NAA20: variants seen among roughly 807,000 people sequenced by gnomAD.
The protein encoded by NAA20 is N-alpha-acetyltransferase 20, NatB catalytic subunit, also known as N-alpha-acetyltransferase 20.
In NAA20, 24 loss-of-function variants were observed where a neutral mutation model predicts 23.8. The ratio of observed to expected loss-of-function variants is 1.01; its 90% CI spans 0.73 to 1.42. The LOEUF is 1.42. Ranked by LOEUF, NAA20 falls within the 40% of genes most tolerant of loss-of-function variation. The pLI is 0.00. For synonymous variants in NAA20, 83 were observed against 77.7 expected (o/e 1.07, Z -0.36); for missense variants, 166 against 223.1 (o/e 0.74, Z 1.63).
chr20:20,025,911 C>G (rs2043303361), intron 3 of NAA20, 144 bp downstream of exon 3: 4 of 673,864 alleles, frequency 5.9e-6, no homozygotes, highest in Middle Eastern at 3.9e-4. Context: ...TTACTGATCT[C>G]TGTTTTGGGC....
chr20:20,024,136 A>G (rs1212956197), intron 2 of NAA20, among the ~76,000 whole-genome samples: 1 of 152,230 alleles, frequency 6.6e-6, no homozygotes, highest in Non-Finnish European at 1.5e-5. Context: ...TTGGCCTTTT[A>G]CAGAAAAAGT....
chr20:20,025,629 G>T, intron 2 of NAA20, 48 bp from the exon 3 acceptor site: 2 of 1,397,260 alleles, frequency 1.4e-6, no homozygotes, highest in Non-Finnish European at 2.0e-6. Flanking sequence ...CCTTAATGAA[G>T]AACTTTTTAC....
intron 3 of NAA20, 58 bp downstream of exon 3, chr20:20,025,825 A>T: frequency 8.9e-7 from 1 of 1,120,100 alleles, no homozygotes; most frequent in Non-Finnish European, 1.4e-6. Flanking sequence ...TATAGATTTC[A>T]ACTGATTGCT....
Position 20,017,436 on chromosome 20 carries a change from C to T in NAA20, c.40C>T (p.Arg14Cys). 1 of 1,611,660 alleles carries T rather than the reference C, an allele frequency of 6.2e-7. No homozygotes were observed. The highest frequency in any genetic ancestry group is 8.5e-7 in the Non-Finnish European group (1 of 1,179,296). Residue 14 changes from arginine to cysteine, a missense_variant, in exon 1 of 6, where the codon CGC becomes TGC. Arg to Cys is a radical substitution (Grantham distance 180). Coordinates refer to ENST00000334982, the MANE Select transcript of NAA20 (RefSeq NM_016100.5). The part of the protein sequence containing the change: ...LRAFTCDDLF[R>C]FNNINLDPLT... ...GGCCTTTACCTGCGACGACCTGTTC[C>T]GCTTCAACAACATGTGAGTGACACG...
At chr20:20,019,658 C>G (rs773126092) in intron 1 of NAA20, among the ~76,000 whole-genome samples, 1 of 152,208 alleles carries the variant, frequency 6.6e-6, no homozygotes, top group Non-Finnish European at 1.5e-5. Context: ...AATCCTAGGT[C>G]GCTTTAGTCT....
At chr20:20,025,230 T>C (rs1247395548) in intron 2 of NAA20, among the ~76,000 whole-genome samples, 1 of 152,246 alleles carries the variant, frequency 6.6e-6, no homozygotes, top group Non-Finnish European at 1.5e-5. Context: ...AAGTAGGAAC[T>C]ACCCATTAAT....
At position 20,026,734 on chromosome 20, in the gene NAA20, G is replaced by A. The variant is rs755753786; in HGVS notation, c.170-50G>A. 1.9e-6 allele frequency: 3 copies of A among 1,603,814 alleles called. No individual in the cohort carries two copies. The African/African-American group carries it at 4.0e-5, about 22-fold the overall frequency. The stretch of plus-strand genomic sequence containing the variant: ...TACTGAACAGTAATTCTATATTTAT[G>A]TGTAAATCAATGTCTAGTTACTGAA... On this transcript the variant is annotated intron_variant, in intron 3 of 5. Coordinates refer to ENST00000334982, the MANE Select transcript of NAA20 (RefSeq NM_016100.5).
In NAA20 at chr20:20,029,603, C is replaced by T. The variant is rs1056764732; in HGVS notation, c.305+2684C>T. ...TTGCACTCCAGCCTGTGCAACAGAG[C>T]GAGACTCCATCTCAAAAAAAAAAAA... On this transcript the variant is annotated intron_variant, in intron 4 of 5. Transcript: ENST00000334982. Among the ~76,000 whole-genome samples the T allele has an allele frequency of 1.0e-4, 13 of 130,622 alleles. No individual in the cohort carries two copies. The South Asian group carries it at 1.1e-3, about 11-fold the overall frequency. 85.7% of individuals were successfully genotyped at this position (130,622 alleles called of 152,430 possible).
In NAA20 at chr20:20,026,446, C is replaced by T. The variant is rs77452201; in HGVS notation, c.170-338C>T. Among the ~76,000 whole-genome samples, 684 of 152,120 alleles carry T rather than the reference C, an allele frequency of 4.5e-3. 7 individuals carry two copies. Among genetic ancestry groups the T allele is most frequent in the African/African-American group, 0.016 (656 of 41,492 alleles). On this transcript the variant is annotated intron_variant, in intron 3 of 5. Coordinates refer to ENST00000334982, the MANE Select transcript of NAA20 (RefSeq NM_016100.5). Reference sequence around the variant, plus strand: ...TTAGCTCTGAACTATATGTGTACATCCACATGTACCCACATATACCCACAC... The same window carrying T: ...TTAGCTCTGAACTATATGTGTACATTCACATGTACCCACATATACCCACAC...
chr20:20,023,117 G>A (rs1179348710), intron 2 of NAA20, among the ~76,000 whole-genome samples: 1 of 152,058 alleles, frequency 6.6e-6, no homozygotes, highest in Admixed American at 6.5e-5. Context: ...AACCCCGTCC[G>A]TCTCTAGTAA....
intron 4 of NAA20, among the ~76,000 whole-genome samples, chr20:20,029,488 G>A (rs573203807): frequency 9.9e-5 from 15 of 151,960 alleles, no homozygotes; most frequent in Middle Eastern, 3.4e-3. Context: ...GTGGTAGCAC[G>A]TGACTGTAAT....
At chr20:20,025,868 G>T in intron 3 of NAA20, 101 bp downstream of exon 3, 1 of 842,202 alleles carries the variant, frequency 1.2e-6, no homozygotes. Context: ...AATGATGCTT[G>T]TAATTTTATT....
intron 4 of NAA20, 135 bp downstream of exon 4, chr20:20,027,054 A>G: frequency 1.6e-6 from 2 of 1,212,172 alleles, no homozygotes; most frequent in Non-Finnish European, 2.3e-6. Context: ...CCTTAGAACA[A>G]TTCTATCACA....
intron 1 of NAA20, among the ~76,000 whole-genome samples, chr20:20,019,864 G>A (rs1045719475): frequency 2.0e-5 from 3 of 152,214 alleles, no homozygotes; most frequent in Non-Finnish European, 4.4e-5. Context: ...GGAATTACAA[G>A]TGTGAGCCAC....
At chr20:20,023,564 G>C (rs1339230892) in intron 2 of NAA20, among the ~76,000 whole-genome samples, 3 of 152,226 alleles carry the variant, frequency 2.0e-5, no homozygotes, top group African/African-American at 7.2e-5. Context: ...TTATGCTGCT[G>C]TAACAGATAA....
intron 1 of NAA20, chr20:20,018,348 T>G (rs1254066793): frequency 2.2e-6 from 1 of 453,378 alleles, no homozygotes; most frequent in Non-Finnish European, 4.0e-6. Flanking sequence ...CTCTCCTTCC[T>G]TCCCATCTAT....
At chr20:20,032,912 T>C (rs1346016358) in intron 5 of NAA20, among the ~76,000 whole-genome samples, 190 bp from the exon 6 acceptor site, 1 of 152,190 alleles carries the variant, frequency 6.6e-6, no homozygotes, top group African/African-American at 2.4e-5. Flanking sequence ...TATTGTGAGC[T>C]GAATACTGGG....
chr20:20,024,568 T>A (rs1221905609), intron 2 of NAA20, among the ~76,000 whole-genome samples: 1 of 152,256 alleles, frequency 6.6e-6, no homozygotes, highest in Non-Finnish European at 1.5e-5. Context: ...GATTTTAGGA[T>A]GCAAATCCGT....
At chr20:20,017,345 C>G, upstream of NAA20, 1 of 1,606,068 alleles carries the variant, frequency 6.2e-7, no homozygotes, top group Non-Finnish European at 8.5e-7. Context: ...AGACTTCCGG[C>G]AGGGCGGGCG....
Sources: gnomAD v4.1 joint callset for allele counts (sites outside exome capture counted in the v4.1 genomes callset) on GRCh38, gnomAD v4.1.1 for gene constraint, MANE v1.5 for transcripts, NCBI Gene and HGNC (gene_info 2026-07-23, HGNC 2026-07-21) for gene names.